The following PWWP3B variants were observed in gnomAD, a reference collection of about 807,000 sequenced individuals.
PWWP3B encodes the protein PWWP domain containing 3B.
A neutral mutation model predicts 15.7 loss-of-function variants in PWWP3B; 5 were observed. The observed-to-expected ratio is 0.32, with a 90% CI of 0.17 to 0.67. The LOEUF (loss-of-function observed/expected upper bound fraction) is 0.67, where lower values mean the gene tolerates loss of function less well. Among genes scored for constraint, PWWP3B ranks in the 30% least tolerant of loss-of-function variants. The pLI, the probability that PWWP3B is intolerant of heterozygous loss-of-function variation, is 0.74. For missense variants in PWWP3B, 519 were observed against 493.1 expected (o/e 1.05, Z -0.50); for synonymous variants, 203 against 179.8 (o/e 1.13, Z -1.03).
In PWWP3B at chrX:106,188,244, G is replaced by GCCC. The variant is rs746230959; in HGVS notation, c.-400-15735_-400-15733dup. ...GCATCAAAAGTCACGTGTTGTAGGT[G>GCCC]CCCCCCCCATGTTTTAAAGCAATTC... On this transcript the variant is annotated intron_variant, in intron 2 of 3. Transcript: ENST00000357175. 3.5e-3 allele frequency among the ~76,000 whole-genome samples: 384 copies of GCCC among 110,360 alleles called. 2 individuals carry two copies. The highest frequency in any genetic ancestry group is 0.012 in the African/African-American group (369 of 30,308).
At chrX:106,201,828 G>T (rs1923723641) in intron 2 of PWWP3B, 2 of 112,071 alleles carry the variant, frequency 1.8e-5, no homozygotes, top group South Asian at 7.4e-4. Flanking sequence ...TTAGAGTAAA[G>T]ATAGGAAAAA....
rs189476487 is a variant in PWWP3B, at chrX:106,200,372, C to T, written c.-400-3613C>T. Among the ~76,000 whole-genome samples, 27 of 111,149 alleles carry T rather than the reference C, an allele frequency of 2.4e-4. No homozygotes were observed. The Admixed American group carries it at 2.5e-3, about 10-fold the overall frequency. ...TGAGATTTAGGGGTTGTTTATAGCACACAGCATTATATACTCTAATTATTA... is the reference window on the plus strand; with the variant it reads ...TGAGATTTAGGGGTTGTTTATAGCATACAGCATTATATACTCTAATTATTA... On this transcript the variant is annotated intron_variant, in intron 2 of 3. Transcript: ENST00000357175.
Position 106,207,403 on chromosome X carries a change from C to T in PWWP3B, c.1971C>T (p.Tyr657=), listed in dbSNP as rs752417894. ...TTTCTGCTGTTGATGGGTTAGATTA[C>T]GAGGCAGCTGAAGCAAAGTATCTAA... ...CSISAVDGLD[Y]EAAEAKYLKG... is the part of the protein sequence containing the mutation. The change falls in exon 4 of 4, where the codon TAC becomes TAT. Residue 657 remains tyrosine, a synonymous_variant. Transcript: ENST00000357175. 124 of 1,168,604 alleles carry T rather than the reference C, an allele frequency of 1.1e-4. No individual in the cohort carries two copies. The highest frequency in any genetic ancestry group is 7.0e-4 in the Middle Eastern group (3 of 4,316).
intron 2 of PWWP3B, among the ~76,000 whole-genome samples, chrX:106,172,862 A>G (rs1921694505): frequency 8.9e-6 from 1 of 111,927 alleles, no homozygotes; most frequent in Admixed American, 9.5e-5. Context: ...TGTTTACACC[A>G]GCAGCACCAC....
intron 2 of PWWP3B, among the ~76,000 whole-genome samples, chrX:106,176,314 G>C (rs1160141841): frequency 9.0e-6 from 1 of 110,554 alleles, no homozygotes; most frequent in East Asian, 2.8e-4. Context: ...GGCTGGTCTC[G>C]AACCGCTGGC....
intron 2 of PWWP3B, among the ~76,000 whole-genome samples, chrX:106,191,304 G>A (rs1922941575): frequency 9.0e-6 from 1 of 110,639 alleles, no homozygotes; most frequent in Non-Finnish European, 1.9e-5. Flanking sequence ...TCTCTTTGAA[G>A]CAATTGTGAA....
rs921250584 is a variant in PWWP3B at position 106,205,408 on chromosome X, C to T, written c.-25C>T. ...AGCCACCTCAACCTTTGGTAATAAC[C>T]CTTGGCACACAAATATAAACCATAA... On this transcript the variant is annotated 5_prime_UTR_variant, in exon 4 of 4. Coordinates refer to ENST00000357175, the MANE Select transcript of PWWP3B (RefSeq NM_001171020.2). 9.0e-7 allele frequency: 1 copy of T among 1,107,245 alleles called. No individual in the cohort carries two copies. The highest frequency in any genetic ancestry group is 1.2e-6 in the Non-Finnish European group (1 of 845,093). The allele number at this position is 1,107,245 out of a possible 1,213,427, so 91.2% of individuals were successfully genotyped here.
intron 2 of PWWP3B, among the ~76,000 whole-genome samples, chrX:106,178,584 T>A (rs922830392): frequency 2.7e-5 from 3 of 112,069 alleles, no homozygotes; most frequent in South Asian, 7.4e-4. Context: ...AGCCTTTTTT[T>A]AAAACAAAAT....
intron 1 of PWWP3B, among the ~76,000 whole-genome samples, chrX:106,168,980 A>C (rs1921475610): frequency 8.9e-6 from 1 of 111,981 alleles, no homozygotes; most frequent in South Asian, 3.7e-4. Flanking sequence ...CTATCTCTCA[A>C]GAGAATTGTA....
At chrX:106,172,921 G>A (rs182492986) in intron 2 of PWWP3B, among the ~76,000 whole-genome samples, 3 of 111,952 alleles carry the variant, frequency 2.7e-5, no homozygotes, top group Admixed American at 1.9e-4. Context: ...GGCTGTGACC[G>A]ACATCACTAG....
intron 2 of PWWP3B, among the ~76,000 whole-genome samples, chrX:106,185,457 C>T (rs751739770): frequency 5.8e-4 from 65 of 111,391 alleles, no homozygotes; most frequent in African/African-American, 2.0e-3. Context: ...TGCAGCAGTC[C>T]CTGGAACTTG....
At chrX:106,183,759 G>A (rs1486583158) in intron 2 of PWWP3B, among the ~76,000 whole-genome samples, 1 of 112,232 alleles carries the variant, frequency 8.9e-6, no homozygotes, top group Non-Finnish European at 1.9e-5. Flanking sequence ...TGTCCAGGAG[G>A]AAGTCAATTT....
At chrX:106,195,662 G>C (rs1482001771) in intron 2 of PWWP3B, among the ~76,000 whole-genome samples, 3 of 111,599 alleles carry the variant, frequency 2.7e-5, no homozygotes, top group African/African-American at 9.8e-5. Flanking sequence ...TTGATCTATA[G>C]GTCAATCCTA....
intron 2 of PWWP3B, among the ~76,000 whole-genome samples, chrX:106,181,428 T>C (rs1922193998): frequency 8.9e-6 from 1 of 111,897 alleles, no homozygotes; most frequent in Non-Finnish European, 1.9e-5. Flanking sequence ...TTGGTGCGTT[T>C]ACAATCCTTT....
chrX:106,170,141 A>G (rs1921537501), intron 1 of PWWP3B, among the ~76,000 whole-genome samples: 1 of 112,029 alleles, frequency 8.9e-6, no homozygotes, highest in African/African-American at 3.2e-5. Context: ...ATGTGGAAAA[A>G]ATTTTGTAAA....
chrX:106,172,514 G>A (rs1921674884), intron 2 of PWWP3B, among the ~76,000 whole-genome samples: 1 of 107,138 alleles, frequency 9.3e-6, no homozygotes, highest in African/African-American at 3.4e-5. Context: ...ACACATATTA[G>A]CCTAGGCCTA....
At chrX:106,199,439 TAGA>T (rs1923571972) in intron 2 of PWWP3B, among the ~76,000 whole-genome samples, 1 of 111,756 alleles carries the variant, frequency 8.9e-6, no homozygotes, top group African/African-American at 3.3e-5. Flanking sequence ...TTTGGTAAGA[TAGA>T]AGTTTAATGT....
intron 1 of PWWP3B, among the ~76,000 whole-genome samples, chrX:106,169,701 G>T (rs1276473833): frequency 8.9e-6 from 1 of 112,013 alleles, no homozygotes; most frequent in African/African-American, 3.2e-5. Context: ...AACATATTAT[G>T]ACATAGTCAT....
At chrX:106,172,800 C>T (rs190322699) in intron 2 of PWWP3B, among the ~76,000 whole-genome samples, 178 of 111,352 alleles carry the variant, frequency 1.6e-3, no homozygotes, top group African/African-American at 4.6e-3. Flanking sequence ...GTATTAGGTA[C>T]GTCACATAAT....
Sources: gnomAD v4.1 joint callset for allele counts (sites outside exome capture counted in the v4.1 genomes callset) on GRCh38, gnomAD v4.1.1 for gene constraint, MANE v1.5 for transcripts, NCBI Gene and HGNC (gene_info 2026-07-23, HGNC 2026-07-21) for gene names.